FAM124B: variants seen among roughly 807,000 people sequenced by gnomAD.
FAM124B encodes the protein protein FAM124B.
In FAM124B, 18 loss-of-function variants were observed where a neutral mutation model predicts 19.7. That is an observed-to-expected ratio of 0.92 (90% CI 0.63 to 1.36). FAM124B has a LOEUF of 1.36. Among genes scored for constraint, FAM124B ranks in the 40% most tolerant of loss-of-function variants. FAM124B has a pLI of 0.00. For missense variants in FAM124B, 540 were observed against 553.3 expected (o/e 0.98, Z 0.24); for synonymous variants, 223 against 225.2 (o/e 0.99, Z 0.09).
intron 1 of FAM124B, among the ~76,000 whole-genome samples, chr2:224,392,815 C>G (rs1393043287): frequency 6.6e-6 from 1 of 150,940 alleles, no homozygotes; most frequent in East Asian, 1.9e-4. Flanking sequence ...AGGCTATACA[C>G]AGTATAGTTA....
At chr2:224,383,711 A>T (rs1345175887) in intron 1 of FAM124B, among the ~76,000 whole-genome samples, 1 of 152,160 alleles carries the variant, frequency 6.6e-6, no homozygotes, top group Non-Finnish European at 1.5e-5. Context: ...TATCTCCGAA[A>T]TGTCAGCTGG....
chr2:224,388,986 G>T (rs1689840460), intron 1 of FAM124B, among the ~76,000 whole-genome samples: 1 of 152,168 alleles, frequency 6.6e-6, no homozygotes, highest in Non-Finnish European at 1.5e-5. Flanking sequence ...AGGCTGGAGT[G>T]CTGTGGCACG....
intron 1 of FAM124B, among the ~76,000 whole-genome samples, chr2:224,398,607 C>A (rs368932220): frequency 6.6e-6 from 1 of 152,068 alleles, no homozygotes; most frequent in Non-Finnish European, 1.5e-5. Flanking sequence ...GAGATCAAAG[C>A]GTGTTTTGGA....
At chr2:224,388,824 A>G (rs753922776) in intron 1 of FAM124B, among the ~76,000 whole-genome samples, 10 of 152,244 alleles carry the variant, frequency 6.6e-5, no homozygotes, top group Non-Finnish European at 1.2e-4. Context: ...TTTTGCCACA[A>G]TACATAAAAT....
At chr2:224,387,711 G>A (rs1689820442) in intron 1 of FAM124B, among the ~76,000 whole-genome samples, 1 of 151,854 alleles carries the variant, frequency 6.6e-6, no homozygotes, top group Non-Finnish European at 1.5e-5. Context: ...TGTGTTGGGG[G>A]TGGGGTATGA....
chr2:224,390,647 A>G (rs565292495), intron 1 of FAM124B, among the ~76,000 whole-genome samples: 2 of 151,416 alleles, frequency 1.3e-5, no homozygotes, highest in East Asian at 3.9e-4. Context: ...GACATTTACC[A>G]ATTAAATCAC....
intron 1 of FAM124B, among the ~76,000 whole-genome samples, chr2:224,392,940 A>C (rs1689911687): frequency 6.6e-6 from 1 of 152,178 alleles, no homozygotes; most frequent in South Asian, 2.1e-4. Flanking sequence ...AAAATTAATA[A>C]TTCTGTTCAT....
Position 224,383,438 on chromosome 2 carries a change from C to T in FAM124B, c.733-3230G>A, listed in dbSNP as rs981482272. ...TCCCTTTGCTCTAATTCCACAGCTC[C>T]GCCCTCCCTCCCCTCCTTTCTTCCT... On this transcript the variant is annotated intron_variant, in intron 1 of 1. Coordinates refer to ENST00000409685, the MANE Select transcript of FAM124B (RefSeq NM_001122779.2). Among the ~76,000 whole-genome samples, 31 of 152,136 alleles carry T rather than the reference C, an allele frequency of 2.0e-4. No individual in the cohort carries two copies. The South Asian group carries it at 3.5e-3, about 17-fold the overall frequency.
intron 1 of FAM124B, among the ~76,000 whole-genome samples, chr2:224,386,237 T>C (rs532759718): frequency 6.6e-6 from 1 of 152,310 alleles, no homozygotes; most frequent in African/African-American, 2.4e-5. Context: ...GAACATGATT[T>C]TCCCTTTCCT....
chr2:224,395,046 G>T (rs1302727484), intron 1 of FAM124B, among the ~76,000 whole-genome samples: 1 of 152,134 alleles, frequency 6.6e-6, no homozygotes, highest in Non-Finnish European at 1.5e-5. Context: ...CTTTGAGGGA[G>T]GTTTATCATT....
chr2:224,393,372 C>T (rs1689918891), intron 1 of FAM124B, among the ~76,000 whole-genome samples: 1 of 152,202 alleles, frequency 6.6e-6, no homozygotes, highest in African/African-American at 2.4e-5. Flanking sequence ...TGATGTTGTA[C>T]TCTTGTTCTG....
rs1690083730 is a variant in FAM124B at position 224,401,963 on chromosome 2, C to G, written c.-195G>C. 1 of 599,524 alleles carries G rather than the reference C, an allele frequency of 1.7e-6. No individual in the cohort carries two copies. Among genetic ancestry groups the G allele is most frequent in the Non-Finnish European group, 2.9e-6 (1 of 348,146 alleles). The allele number at this position is 599,524 out of a possible 1,614,324, so 37.1% of individuals were successfully genotyped here. ...CCGTGGACTTACGGCAAGAGAAGCT[C>G]ACACCAGCTCGGGTTCAGCAGCCTC... is the stretch of plus-strand genomic sequence containing the variant. On this transcript the variant is annotated 5_prime_UTR_variant, in exon 1 of 2. Transcript: ENST00000409685.
intron 1 of FAM124B, among the ~76,000 whole-genome samples, chr2:224,392,597 A>T (rs1286103661): frequency 6.6e-6 from 1 of 152,122 alleles, no homozygotes; most frequent in Non-Finnish European, 1.5e-5. Flanking sequence ...TCTACAAAAA[A>T]TACAAAAATT....
At position 224,379,766 on chromosome 2, in the gene FAM124B, G is replaced by C; in HGVS notation, c.1175C>G (p.Pro392Arg). The C allele has an allele frequency of 2.6e-6, 4 of 1,551,668 alleles. No homozygotes were observed. The highest frequency in any genetic ancestry group is 3.5e-6 in the Non-Finnish European group (4 of 1,147,000). The change falls in exon 2 of 2, where the codon CCA becomes CGA. Residue 392 changes from proline to arginine, a missense_variant. Physicochemically the swap from Pro to Arg is moderately radical, Grantham distance 103 (BLOSUM62 -2). Transcript: ENST00000409685. ...CAAGGAAGAGGCTGGCAAGCAGAAT[G>C]GTGGCTGGCTGGTCTGTAAATCCCT... ...FPRDLQTSQP[P>R]FCLPASSLGV...
At position 224,401,698 on chromosome 2, in the gene FAM124B, A is replaced by T. The variant is rs1690078140; in HGVS notation, c.71T>A (p.Leu24Gln). 6.2e-7 allele frequency: 1 copy of T among 1,614,204 alleles called. No individual in the cohort carries two copies. The highest frequency in any genetic ancestry group is 1.3e-5 in the African/African-American group (1 of 75,076). ...LLANSGHGSL[L>Q]QRTLDQLLDC... ...CAGGAGCTGGTCCAGAGTCCTCTGC[A>T]GAAGGGAGCCGTGCCCAGAGTTGGC... Residue 24 changes from leucine to glutamine, a missense_variant, in exon 1 of 2, where the codon CTG becomes CAG. Leu to Gln is a moderately radical substitution (Grantham distance 113). Coordinates refer to ENST00000409685, the MANE Select transcript of FAM124B (RefSeq NM_001122779.2).
rs1009826194 is a variant in FAM124B at position 224,379,675 on chromosome 2, G to A, written c.1266C>T (p.Gly422=). 5 of 1,551,484 alleles carry A rather than the reference G, an allele frequency of 3.2e-6. No homozygotes were observed. In the African/African-American group the frequency reaches 4.1e-5, roughly 13 times the overall value. Residue 422 remains glycine (G), a synonymous_variant, in exon 2 of 2, where the codon GGC becomes GGT. Coordinates refer to ENST00000409685, the MANE Select transcript of FAM124B (RefSeq NM_001122779.2). ...TCTTCCTGGTACCAAGGTCCCTTTGGCCAGCAAGTGGCAAAGGAGAGACTC... is the reference window on the plus strand; with the variant it reads ...TCTTCCTGGTACCAAGGTCCCTTTGACCAGCAAGTGGCAAAGGAGAGACTC... ...KERVSPLPLA[G]QRDLGTRKTI...
At chr2:224,400,412 A>G (rs1690046186) in intron 1 of FAM124B, 2 of 693,578 alleles carry the variant, frequency 2.9e-6, no homozygotes, top group Non-Finnish European at 5.2e-6. Context: ...AGGCTAAGGC[A>G]GGAGGATCAC....
intron 1 of FAM124B, among the ~76,000 whole-genome samples, chr2:224,383,019 C>G (rs1310657300): frequency 1.3e-5 from 2 of 152,158 alleles, no homozygotes; most frequent in East Asian, 1.9e-4. Context: ...CAGATACTCT[C>G]TCTAGGGGCG....
chr2:224,397,535 G>C (rs771306475), intron 1 of FAM124B, among the ~76,000 whole-genome samples: 2 of 152,196 alleles, frequency 1.3e-5, no homozygotes, highest in East Asian at 3.9e-4. Flanking sequence ...GGCAGAGGTT[G>C]GAACAGTCTG....
Sources: allele counts gnomAD v4.1 joint callset (sites outside exome capture counted in the v4.1 genomes callset), GRCh38; gene constraint gnomAD v4.1.1; transcripts MANE v1.5; gene names NCBI Gene and HGNC (gene_info 2026-07-23, HGNC 2026-07-21).